The following ANGPTL6 variants were observed in gnomAD, a reference collection of about 807,000 sequenced individuals.
ANGPTL6 encodes the protein angiopoietin like 6, also known as angiopoietin-related protein 6.
Under a neutral mutation model 47.4 loss-of-function variants are expected in ANGPTL6, and 45 were observed. That is an observed-to-expected ratio of 0.95 (90% CI 0.75 to 1.22). The LOEUF (loss-of-function observed/expected upper bound fraction) is 1.22, where lower values mean the gene tolerates loss of function less well. ANGPTL6 is among the 50% of genes most tolerant of loss of function. ANGPTL6 has a pLI of 0.00. For synonymous variants in ANGPTL6, 290 were observed against 295.9 expected (o/e 0.98, Z 0.20); for missense variants, 698 against 669.4 (o/e 1.04, Z -0.47).
At position 10,093,804 on chromosome 19, in the gene ANGPTL6, A is replaced by G; in HGVS notation, c.840T>C (p.Arg280=). Residue 280 remains arginine (R), a synonymous_variant, in exon 4 of 6, where the codon CGT becomes CGC. Transcript: ENST00000253109. ...GCTCACACCATACTGACACTACGTG[A>G]CGGCCCACTCGCAGTTCATACACTC... ...QSGVYELRVG[R]HVVSVWCEQQ... is the part of the protein sequence containing the mutation. 6.2e-7 allele frequency: 1 copy of G among 1,613,980 alleles called. No homozygotes were observed. The highest frequency in any genetic ancestry group is 8.5e-7 in the Non-Finnish European group (1 of 1,180,036).
upstream of ANGPTL6, among the ~76,000 whole-genome samples, chr19:10,105,510 A>G (rs2088797516): frequency 6.6e-6 from 1 of 152,158 alleles, no homozygotes; most frequent in African/African-American, 2.4e-5. Context: ...CCAGACACAG[A>G]GAAAGGAAAC....
chr19:10,099,828 CCTCT>C (rs531456080), intron 1 of ANGPTL6, among the ~76,000 whole-genome samples: 7 of 137,962 alleles, frequency 5.1e-5, no homozygotes, highest in African/African-American at 1.1e-4. Context: ...TCTGTCTCTC[CCTCT>C]CTCTCTCTCT....
rs1159258122 is a variant in ANGPTL6 at position 10,096,453 on chromosome 19, C to T, written c.111G>A (p.Lys37=). Reference sequence around the variant, plus strand: ...CGCTCCAGCACACAGCGCCCGTGAACTTCTGCGGGGGCAGCACGAAGGTGT... The same window carrying T: ...CGCTCCAGCACACAGCGCCCGTGAATTTCTGCGGGGGCAGCACGAAGGTGT... The part of the protein sequence containing the change: ...CTYTFVLPPQ[K]FTGAVCWSGP... Residue 37 remains lysine (K), a synonymous_variant, in exon 2 of 6, where the codon AAG becomes AAA. Transcript: ENST00000253109. 4.1e-6 allele frequency: 6 copies of T among 1,466,140 alleles called. No homozygotes were observed. The South Asian group carries it at 7.8e-5, about 19-fold the overall frequency. 90.8% of individuals were successfully genotyped at this position (1,466,140 alleles called of 1,614,324 possible). A position where few individuals can be genotyped will look rare whatever the true frequency, so the allele number is the denominator to read the frequency against.
rs1485327995 is a variant in ANGPTL6, at chr19:10,094,920, G to C, written c.601C>G (p.Leu201Val). ...GQQQVLPPPP[L>V]VPVVPVRLVG... ...AGACGGACCGGAACCACAGGCACCA[G>C]TGGGGGTGGCGGCAGGACCTGGGGT... is the stretch of plus-strand genomic sequence containing the variant. Residue 201 changes from leucine to valine, a missense_variant, in exon 3 of 6, where the codon CTG (leucine) becomes GTG (valine). Leu to Val is a conservative substitution (Grantham distance 32). Coordinates refer to ENST00000253109, the MANE Select transcript of ANGPTL6 (RefSeq NM_031917.3). The C allele has an allele frequency of 6.2e-7, 1 of 1,610,654 alleles. No individual in the cohort carries two copies. The highest frequency in any genetic ancestry group is 8.5e-7 in the Non-Finnish European group (1 of 1,177,926).
intron 1 of ANGPTL6, among the ~76,000 whole-genome samples, chr19:10,098,377 G>A (rs1156332013): frequency 5.9e-5 from 9 of 151,976 alleles, no homozygotes; most frequent in Admixed American, 5.9e-4. Flanking sequence ...ACAAAAAACA[G>A]CAAACTAGGT....
intron 2 of ANGPTL6, 47 bp downstream of exon 2, chr19:10,095,933 ACC>A: frequency 8.8e-7 from 1 of 1,129,974 alleles, no homozygotes; most frequent in Non-Finnish European, 1.1e-6. Context: ...GGGTTGCAAA[ACC>A]CCCATTTCAC....
rs772714067 is a variant in ANGPTL6 at position 10,096,138 on chromosome 19, G to C, written c.426C>G (p.Arg142=). 4 of 1,404,298 alleles carry C rather than the reference G, an allele frequency of 2.8e-6. No individual in the cohort carries two copies. The highest frequency in any genetic ancestry group is 2.9e-5 in the East Asian group (1 of 34,426). 87.0% of individuals were successfully genotyped at this position (1,404,298 alleles called of 1,614,324 possible). Residue 142 remains arginine (R), a synonymous_variant, in exon 2 of 6, where the codon CGC becomes CGG. Transcript: ENST00000253109. Reference sequence around the variant, plus strand: ...GAGCCTCGGCGGACGCGTTGAGCACGCGCTCCCCGAGCAGCGCCAGCGCCG... The same window carrying C: ...GAGCCTCGGCGGACGCGTTGAGCACCCGCTCCCCGAGCAGCGCCAGCGCCG... ...PAAALALLGE[R]VLNASAEAQR... is the part of the protein sequence containing the mutation.
chr19:10,101,192 G>A (rs188065480), intron 1 of ANGPTL6, among the ~76,000 whole-genome samples: 1 of 151,546 alleles, frequency 6.6e-6, no homozygotes, highest in African/African-American at 2.4e-5. Context: ...CTGGGCAATA[G>A]AGCGAGACTC....
upstream of ANGPTL6, among the ~76,000 whole-genome samples, chr19:10,103,531 A>G (rs368214125): frequency 1.5e-4 from 22 of 151,494 alleles, no homozygotes; most frequent in African/African-American, 4.1e-4. Context: ...TGGAGGTTGC[A>G]GTAAGCCGAG....
chr19:10,103,221 C>T (rs1040960203), upstream of ANGPTL6, among the ~76,000 whole-genome samples: 1 of 151,750 alleles, frequency 6.6e-6, no homozygotes, highest in African/African-American at 2.4e-5. Flanking sequence ...TACACCACAG[C>T]TGTCACACAC....
intron 1 of ANGPTL6, among the ~76,000 whole-genome samples, chr19:10,101,087 T>A (rs181753748): frequency 6.6e-6 from 1 of 152,010 alleles, no homozygotes; most frequent in Admixed American, 6.6e-5. Flanking sequence ...CACGCGCCTG[T>A]AGTCTCAGCT....
chr19:10,096,096 C>T lies in ANGPTL6; in HGVS notation c.468G>A (p.Arg156=). 2 of 1,492,812 alleles carry T rather than the reference C, an allele frequency of 1.3e-6. No individual in the cohort carries two copies. The highest frequency in any genetic ancestry group is 1.8e-6 in the Non-Finnish European group (2 of 1,123,666). 92.5% of individuals were successfully genotyped at this position (1,492,812 alleles called of 1,614,324 possible). The part of the protein sequence containing the change: ...ASAEAQRAAA[R]FHQLDVKFRE... ...GGAACTTGACGTCCAGCTGGTGGAA[C>T]CGGGCGGCTGCGCGCTGAGCCTCGG... The change falls in exon 2 of 6, where the codon CGG becomes CGA. Residue 156 remains arginine, a synonymous_variant. Transcript: ENST00000253109.
In ANGPTL6 at chr19:10,093,423, T is replaced by C. The variant is rs768477929; in HGVS notation, c.1148A>G (p.Asp383Gly). Residue 383 changes from aspartate to glycine, a missense_variant, in exon 5 of 6, where the codon GAT becomes GGT. By Grantham distance (94) the Asp-to-Gly change is moderately conservative. Transcript: ENST00000253109. ...GTGCCAGGAAAGAGAGTCTCCAGCA[T>C]CACCATGGTACTGGCCAAGCCGCAG... is the stretch of plus-strand genomic sequence containing the variant. The part of the protein sequence containing the change: ...YRLRLGQYHG[D>G]AGDSLSWHND... 3.7e-6 allele frequency: 6 copies of C among 1,614,038 alleles called. No homozygotes were observed. In the Admixed American group the frequency reaches 1.0e-4, roughly 27 times the overall value.
At chr19:10,093,143 T>A in intron 5 of ANGPTL6, 1 of 637,172 alleles carries the variant, frequency 1.6e-6, no homozygotes, top group Non-Finnish European at 2.6e-6. Flanking sequence ...TTGATTCTTT[T>A]TTTGCCTCAT....
intron 1 of ANGPTL6, among the ~76,000 whole-genome samples, chr19:10,100,920 A>T (rs1469235097): frequency 6.6e-6 from 1 of 152,118 alleles, no homozygotes; most frequent in East Asian, 1.9e-4. Flanking sequence ...AGGTGCCTGT[A>T]ATCCCAGCAC....
At chr19:10,096,960 G>C (rs993482911) in intron 1 of ANGPTL6, among the ~76,000 whole-genome samples, 1 of 150,010 alleles carries the variant, frequency 6.7e-6, no homozygotes, top group African/African-American at 2.5e-5. Flanking sequence ...TTAGACAGAC[G>C]TGGTGGTGCA....
chr19:10,104,766 TG>T (rs1317729026), upstream of ANGPTL6, among the ~76,000 whole-genome samples: 5 of 152,082 alleles, frequency 3.3e-5, no homozygotes, highest in Admixed American at 2.6e-4. Context: ...TAAAGGGAAA[TG>T]GGGTGGGCTG....
upstream of ANGPTL6, among the ~76,000 whole-genome samples, chr19:10,105,834 C>A (rs534346867): frequency 6.6e-6 from 1 of 152,348 alleles, no homozygotes; most frequent in African/African-American, 2.4e-5. Flanking sequence ...ATTCACGAAA[C>A]GCCCGCCTTG....
chr19:10,102,885 C>G (rs972492254), upstream of ANGPTL6: 32 of 629,648 alleles, frequency 5.1e-5, no homozygotes, highest in Non-Finnish European at 5.9e-5. Context: ...CCCTTTCCCC[C>G]ACACCCTCCA....
Sources: allele counts gnomAD v4.1 joint callset (sites outside exome capture counted in the v4.1 genomes callset), GRCh38; gene constraint gnomAD v4.1.1; transcripts MANE v1.5; gene names NCBI Gene and HGNC (gene_info 2026-07-23, HGNC 2026-07-21).